FBXO15: variants seen among roughly 807,000 people sequenced by gnomAD.
FBXO15 encodes the protein F-box only protein 15.
Under a neutral mutation model 49.5 loss-of-function variants are expected in FBXO15, and 30 were observed. That is an observed-to-expected ratio of 0.61 (90% CI 0.45 to 0.82). FBXO15 has a LOEUF of 0.82. Among genes scored for constraint, FBXO15 ranks in the 40% least tolerant of loss-of-function variants. FBXO15 has a pLI of 0.00. For synonymous variants in FBXO15, 250 were observed against 232.7 expected (o/e 1.07, Z -0.68); for missense variants, 591 against 631.5 (o/e 0.94, Z 0.69).
chr18:74,105,561 T>G (rs898080585), intron 8 of FBXO15, among the ~76,000 whole-genome samples: 1 of 151,850 alleles, frequency 6.6e-6, no homozygotes, highest in Non-Finnish European at 1.5e-5. Flanking sequence ...TGCCTCAGCC[T>G]CCTGAGTAGC....
rs370270918 is a variant in FBXO15, at chr18:74,146,824, G to T, written c.116+846C>A. ...AACTAGTATGTAATAGACTCCCTTT[G>T]TGTGCTTAAACATAGACCATTGGTT... On this transcript the variant is annotated intron_variant, in intron 1 of 9. Coordinates refer to ENST00000419743, the MANE Select transcript of FBXO15 (RefSeq NM_001142958.2). Among the ~76,000 whole-genome samples the T allele has an allele frequency of 5.9e-5, 9 of 152,142 alleles. No homozygotes were observed. In the East Asian group the frequency reaches 1.5e-3, roughly 26 times the overall value.
chr18:74,122,939 G>C (rs1914532533), intron 8 of FBXO15: 1 of 153,630 alleles, frequency 6.5e-6, no homozygotes, highest in Non-Finnish European at 1.4e-5. Flanking sequence ...CCTGGCTTTG[G>C]TAGGTGTGGC....
chr18:74,080,649 G>C (rs895735124), intron 9 of FBXO15, among the ~76,000 whole-genome samples: 1 of 152,224 alleles, frequency 6.6e-6, no homozygotes, highest in African/African-American at 2.4e-5. Flanking sequence ...ATCTGTGAGT[G>C]CATCTGCTGC....
At chr18:74,079,847 T>G (rs1218165068) in intron 9 of FBXO15, among the ~76,000 whole-genome samples, 1 of 152,180 alleles carries the variant, frequency 6.6e-6, no homozygotes, top group African/African-American at 2.4e-5. Flanking sequence ...AGATGTCCTT[T>G]CACGACTGCA....
At chr18:74,144,713 A>G (rs1242500946) in intron 1 of FBXO15, among the ~76,000 whole-genome samples, 1 of 152,152 alleles carries the variant, frequency 6.6e-6, no homozygotes, top group Non-Finnish European at 1.5e-5. Flanking sequence ...ATTATTTAAC[A>G]TTTTCCCCAA....
At position 74,118,467 on chromosome 18, in the gene FBXO15, G is replaced by A. The variant is rs1914335330; in HGVS notation, c.1138+4901C>T. ...ACACATGTTGTATAAACATCAAGGG[G>A]TCTATTAACATTATACACAGAGAGA... On this transcript the variant is annotated intron_variant, in intron 8 of 9. Coordinates refer to ENST00000419743, the MANE Select transcript of FBXO15 (RefSeq NM_001142958.2). 3.6e-5 allele frequency among the ~76,000 whole-genome samples: 5 copies of A among 140,432 alleles called. No homozygotes were observed. In the South Asian group the frequency reaches 9.5e-4, roughly 27 times the overall value. 92.1% of individuals were successfully genotyped at this position (140,432 alleles called of 152,430 possible).
intron 9 of FBXO15, among the ~76,000 whole-genome samples, chr18:74,078,077 C>G (rs1912327677): frequency 6.6e-6 from 1 of 152,042 alleles, no homozygotes. Context: ...ACAAGGGCTC[C>G]TTGGTGAGGA....
chr18:74,130,283 T>A, intron 4 of FBXO15, 133 bp downstream of exon 4: 1 of 1,249,954 alleles, frequency 8.0e-7, no homozygotes, highest in South Asian at 1.7e-5. Context: ...AGGAAAATGA[T>A]ACATATTTTA....
rs1410439895 is a variant in FBXO15, at chr18:74,081,799, G to A, written c.1263+128C>T. 68 of 713,366 alleles carry A rather than the reference G, an allele frequency of 9.5e-5. 2 individuals carry two copies. The East Asian group carries it at 2.2e-3, about 23-fold the overall frequency. The allele number at this position is 713,366 out of a possible 1,614,324, so 44.2% of individuals were successfully genotyped here. A position where few individuals can be genotyped will look rare whatever the true frequency, so the allele number is the denominator to read the frequency against. On this transcript the variant is annotated intron_variant, in intron 9 of 9. Coordinates refer to ENST00000419743, the MANE Select transcript of FBXO15 (RefSeq NM_001142958.2). Reference sequence around the variant, plus strand: ...AATGTGCACCAACCTTCAGAAACCAGAACAATAAATCCAGAACTATAAAAG... The same window carrying A: ...AATGTGCACCAACCTTCAGAAACCAAAACAATAAATCCAGAACTATAAAAG...
chr18:74,077,307 G>T (rs1159280986), intron 9 of FBXO15, among the ~76,000 whole-genome samples: 3 of 152,186 alleles, frequency 2.0e-5, no homozygotes, highest in African/African-American at 7.2e-5. Context: ...AGGACAGCAG[G>T]AGCCCTAATG....
intron 9 of FBXO15, 36 bp downstream of exon 9, chr18:74,081,891 A>T: frequency 6.8e-7 from 1 of 1,478,710 alleles, no homozygotes; most frequent in South Asian, 1.3e-5. Context: ...ATAGAAATCA[A>T]GTTACTTGAA....
At chr18:74,130,719 A>G in intron 3 of FBXO15, 61 bp from the exon 4 acceptor site, 3 of 1,511,858 alleles carry the variant, frequency 2.0e-6, no homozygotes, top group South Asian at 1.3e-5. Flanking sequence ...TAGTCATAAT[A>G]TATCAAATTA....
chr18:74,076,346 T>A (rs941745186), intron 9 of FBXO15: 1 of 152,224 alleles, frequency 6.6e-6, no homozygotes, highest in Non-Finnish European at 1.5e-5. Flanking sequence ...AGGAGGTGAT[T>A]AGGTCACGGG....
intron 8 of FBXO15, among the ~76,000 whole-genome samples, chr18:74,111,676 A>G (rs1170653587): frequency 6.6e-6 from 1 of 152,136 alleles, no homozygotes; most frequent in Non-Finnish European, 1.5e-5. Context: ...AAAAAAAGAA[A>G]TAATAAAAAT....
chr18:74,137,254 C>G (rs1382048010), intron 2 of FBXO15, among the ~76,000 whole-genome samples: 2 of 152,200 alleles, frequency 1.3e-5, no homozygotes, highest in African/African-American at 4.8e-5. Flanking sequence ...GAGAAAAAGT[C>G]TCTAATGCTA....
At chr18:74,100,197 C>G (rs1487781279) in intron 8 of FBXO15, 2 of 151,978 alleles carry the variant, frequency 1.3e-5, no homozygotes, top group African/African-American at 4.8e-5. Context: ...TTTAAGAAAA[C>G]TGAAATTATA....
chr18:74,145,594 CTTT>C (rs760823560), intron 1 of FBXO15, among the ~76,000 whole-genome samples: 1 of 96,370 alleles, frequency 1.0e-5, no homozygotes, highest in Non-Finnish European at 2.0e-5. Flanking sequence ...ACCAACTGCA[CTTT>C]TTTTTTTTTT....
chr18:74,124,654 T>C (rs1568174754), intron 6 of FBXO15, 83 bp from the exon 7 acceptor site: 1 of 1,224,586 alleles, frequency 8.2e-7, no homozygotes, highest in Non-Finnish European at 1.2e-6. Flanking sequence ...TCACAGCACA[T>C]TCATCTTGCA....
intron 3 of FBXO15, among the ~76,000 whole-genome samples, chr18:74,134,404 T>G (rs916689191): frequency 7.0e-6 from 1 of 142,328 alleles, no homozygotes; most frequent in African/African-American, 2.6e-5. Flanking sequence ...GGAGTCTCGC[T>G]CTGTCACCCA....
Sources: allele counts gnomAD v4.1 joint callset (sites outside exome capture counted in the v4.1 genomes callset), GRCh38; gene constraint gnomAD v4.1.1; transcripts MANE v1.5; gene names NCBI Gene and HGNC (gene_info 2026-07-23, HGNC 2026-07-21).